The following CLTCL1 variants were observed in gnomAD, a reference collection of about 807,000 sequenced individuals.
CLTCL1 encodes clathrin heavy chain like 1.
Under a neutral mutation model 190.0 loss-of-function variants are expected in CLTCL1, and 159 were observed. The observed-to-expected ratio is 0.84, with a 90% CI of 0.74 to 0.95. The LOEUF (loss-of-function observed/expected upper bound fraction) is 0.95, where lower values mean the gene tolerates loss of function less well. Ranked by LOEUF, CLTCL1 falls within the 40% of genes least tolerant of loss-of-function variation. The probability of loss-of-function intolerance (pLI) is 0.00; values close to 1 mark genes in which losing one functional copy is unlikely to be tolerated. For synonymous variants in CLTCL1, 752 were observed against 769.6 expected, an observed-to-expected ratio of 0.98 and a Z score of 0.38; for missense variants, 1,878 against 2,033.4, an observed-to-expected ratio of 0.92 and a Z score of 1.47.
At chr22:19,287,367 C>T (rs1284182340) in intron 1 of CLTCL1, among the ~76,000 whole-genome samples, 1 of 152,036 alleles carries the variant, frequency 6.6e-6, no homozygotes, top group African/African-American at 2.4e-5. Flanking sequence ...CCACAGATAC[C>T]AGAAGGCTCA....
rs1351100380 is a variant in CLTCL1 at position 19,291,666 on chromosome 22, G to A, written c.-25C>T. On this transcript the variant is annotated 5_prime_UTR_variant, in exon 1 of 33. Coordinates refer to ENST00000427926, the MANE Select transcript of CLTCL1 (RefSeq NM_007098.4). ...TGGCTGGTGCGGGACCTCGGCGGCGGCGGCGGCAGCGGCAGGAATGAACGC... is the reference window on the plus strand; with the variant it reads ...TGGCTGGTGCGGGACCTCGGCGGCGACGGCGGCAGCGGCAGGAATGAACGC... The A allele has an allele frequency of 2.2e-6, 3 of 1,361,160 alleles. No homozygotes were observed. The highest frequency in any genetic ancestry group is 1.7e-5 in the South Asian group (1 of 57,302). 84.3% of individuals were successfully genotyped at this position (1,361,160 alleles called of 1,614,324 possible).
intron 1 of CLTCL1, among the ~76,000 whole-genome samples, chr22:19,279,390 G>T (rs1317807601): frequency 6.6e-6 from 1 of 152,158 alleles, no homozygotes; most frequent in African/African-American, 2.4e-5. Flanking sequence ...GCCTGCCTTG[G>T]CCTCCCAAAG....
intron 3 of CLTCL1, among the ~76,000 whole-genome samples, chr22:19,250,489 C>T (rs1207721193): frequency 6.6e-6 from 1 of 151,684 alleles, no homozygotes; most frequent in East Asian, 1.9e-4. Flanking sequence ...CAGGTGCATG[C>T]CACCACACCA....
chr22:19,234,581 C>A lies in CLTCL1; in HGVS notation c.1095G>T (p.Val365=). The stretch of plus-strand genomic sequence containing the variant: ...GTGCAAAGAGGGTATTGAATTTTCT[C>A]ACAAACAACTTCTCTGCCCCAGCCA... ...SNLAGAEKLF[V]RKFNTLFAQG... Residue 365 remains valine (V), a synonymous_variant, in exon 7 of 33, where the codon GTG becomes GTT. Transcript: ENST00000427926. 1 of 1,613,998 alleles carries A rather than the reference C, an allele frequency of 6.2e-7. No homozygotes were observed. Among genetic ancestry groups the A allele is most frequent in the Non-Finnish European group, 8.5e-7 (1 of 1,179,882 alleles).
At chr22:19,233,016 G>T in intron 9 of CLTCL1, 150 bp downstream of exon 9, 1 of 836,988 alleles carries the variant, frequency 1.2e-6, no homozygotes, top group Non-Finnish European at 1.9e-6. Flanking sequence ...AATAAAATAT[G>T]ATCATTATGA....
rs2087062984 is a variant in CLTCL1 at position 19,264,765 on chromosome 22, A to G, written c.251-10538T>C. ...ATGATTTCTTGAATTCACAAAAAGG[A>G]GCAACTCAATGGTGAAATTTCATGC... On this transcript the variant is annotated intron_variant, in intron 2 of 32. Transcript: ENST00000427926. Among the ~76,000 whole-genome samples the G allele has an allele frequency of 3.9e-5, 6 of 152,080 alleles. No homozygotes were observed. In the South Asian group the frequency reaches 1.2e-3, roughly 32 times the overall value.
At chr22:19,188,966 C>T (rs2084404736) in intron 27 of CLTCL1, among the ~76,000 whole-genome samples, 1 of 151,760 alleles carries the variant, frequency 6.6e-6, no homozygotes, top group African/African-American at 2.4e-5. Context: ...TGCAGTGGCG[C>T]GATCTTGGCT....
chr22:19,288,347 A>G (rs2087984102), intron 1 of CLTCL1, among the ~76,000 whole-genome samples: 1 of 152,174 alleles, frequency 6.6e-6, no homozygotes, highest in African/African-American at 2.4e-5. Context: ...ATAGGGAAAA[A>G]AAGTGTATAA....
In CLTCL1 at chr22:19,253,954, C is replaced by A; in HGVS notation, c.519+5G>T. 6.2e-7 allele frequency: 1 copy of A among 1,611,466 alleles called. No individual in the cohort carries two copies. The highest frequency in any genetic ancestry group is 1.1e-5 in the South Asian group (1 of 90,778). On this transcript the variant is annotated splice_donor_5th_base_variant and intron_variant, in intron 3 of 32. Transcript: ENST00000427926. ...ACCAGCCCCTAAAGGCAGCTCAAGGCTTACCTGAGCCGAGATGCCTACGAG... is the reference window on the plus strand; with the variant it reads ...ACCAGCCCCTAAAGGCAGCTCAAGGATTACCTGAGCCGAGATGCCTACGAG...
chr22:19,280,296 A>G (rs782054298), intron 1 of CLTCL1, among the ~76,000 whole-genome samples: 10 of 152,170 alleles, frequency 6.6e-5, no homozygotes, highest in Non-Finnish European at 1.3e-4. Context: ...AAATAGAGAA[A>G]CAACACTGAC....
At position 19,223,825 on chromosome 22, in the gene CLTCL1, C is replaced by T. The variant is rs188956656; in HGVS notation, c.2292+66G>A. On this transcript the variant is annotated intron_variant, in intron 14 of 32. Transcript: ENST00000427926. The stretch of plus-strand genomic sequence containing the variant: ...AGCTTCCTGCCCCTGGGACGTCCTG[C>T]GGATGGTCTGCCCCACCTGCCATCA... 4.0e-4 allele frequency: 632 copies of T among 1,591,320 alleles called. No individual in the cohort carries two copies. In the African/African-American group the frequency reaches 7.0e-3, roughly 18 times the overall value.
chr22:19,206,879 C>T (rs1003501346), intron 22 of CLTCL1, among the ~76,000 whole-genome samples: 5 of 152,070 alleles, frequency 3.3e-5, no homozygotes, highest in South Asian at 2.1e-4. Flanking sequence ...ATCTACATGG[C>T]GGACTCCACA....
At chr22:19,199,545 A>G (rs532516961) in intron 24 of CLTCL1, among the ~76,000 whole-genome samples, 189 bp downstream of exon 24, 3 of 152,372 alleles carry the variant, frequency 2.0e-5, no homozygotes, top group African/African-American at 7.2e-5. Context: ...GGTCGAGGAT[A>G]GCTAACAAGG....
At chr22:19,287,449 G>C (rs1320348177) in intron 1 of CLTCL1, among the ~76,000 whole-genome samples, 1 of 152,204 alleles carries the variant, frequency 6.6e-6, no homozygotes, top group Non-Finnish European at 1.5e-5. Flanking sequence ...AGCGGCAGCA[G>C]AGTTGAGCAG....
chr22:19,212,193 A>C (rs781916813), intron 19 of CLTCL1, among the ~76,000 whole-genome samples: 2 of 152,202 alleles, frequency 1.3e-5, no homozygotes, highest in Admixed American at 1.3e-4. Context: ...TTTCTTGTAC[A>C]TATAGACAAG....
At chr22:19,257,318 A>G (rs991380329) in intron 2 of CLTCL1, among the ~76,000 whole-genome samples, 1 of 152,220 alleles carries the variant, frequency 6.6e-6, no homozygotes, top group African/African-American at 2.4e-5. Context: ...TGACAAGGGT[A>G]CTAAGACCAT....
At chr22:19,259,167 A>G (rs2086861416) in intron 2 of CLTCL1, among the ~76,000 whole-genome samples, 1 of 152,128 alleles carries the variant, frequency 6.6e-6, no homozygotes, top group African/African-American at 2.4e-5. Context: ...GTGCAATGGC[A>G]TGATCTTGGC....
chr22:19,273,097 G>T (rs2087379535), intron 2 of CLTCL1, among the ~76,000 whole-genome samples: 1 of 152,156 alleles, frequency 6.6e-6, no homozygotes, highest in Non-Finnish European at 1.5e-5. Flanking sequence ...GCTAGTCAAG[G>T]TGTGTGATAT....
At chr22:19,201,207 A>C in intron 23 of CLTCL1, 122 bp downstream of exon 23, 1 of 1,188,326 alleles carries the variant, frequency 8.4e-7, no homozygotes, top group Non-Finnish European at 1.1e-6. Context: ...AAGAATCCCA[A>C]GGGTTCAGAC....
Sources: gnomAD v4.1 joint callset for allele counts (sites outside exome capture counted in the v4.1 genomes callset) on GRCh38, gnomAD v4.1.1 for gene constraint, MANE v1.5 for transcripts, NCBI Gene and HGNC (gene_info 2026-07-23, HGNC 2026-07-21) for gene names.